Variants in RYR1 observed in about 807,000 individuals in gnomAD.
The protein encoded by RYR1 is ryanodine receptor 1.
RYR1 carries 342 observed loss-of-function variants against 583.5 expected under a neutral mutation model. The observed-to-expected ratio is 0.59, with a 90% CI of 0.54 to 0.64. The LOEUF is 0.64. RYR1 is among the 30% of genes least tolerant of loss of function. RYR1 has a pLI of 0.00. For missense variants in RYR1, 6,032 were observed against 6,917.2 expected, an observed-to-expected ratio of 0.87 and a Z score of 4.54; for synonymous variants, 2,791 against 2,822.5, an observed-to-expected ratio of 0.99 and a Z score of 0.35.
At chr19:38,577,506 A>G (rs1389555442) in intron 97 of RYR1, among the ~76,000 whole-genome samples, 4 of 152,042 alleles carry the variant, frequency 2.6e-5, no homozygotes, top group South Asian at 4.1e-4. Context: ...TGTAGAAAAA[A>G]ACAAAGTGGG....
intron 96 of RYR1, among the ~76,000 whole-genome samples, chr19:38,574,399 C>T (rs1247857858): frequency 6.6e-6 from 1 of 151,836 alleles, no homozygotes; most frequent in African/African-American, 2.4e-5. Flanking sequence ...AGGAGGATCC[C>T]TTGTGCCCAG....
At chr19:38,501,872 T>A (rs545269365) in intron 47 of RYR1, among the ~76,000 whole-genome samples, 1 of 152,080 alleles carries the variant, frequency 6.6e-6, no homozygotes, top group South Asian at 2.1e-4. Flanking sequence ...TGTAGTCCCC[T>A]CTACTAGAGA....
At chr19:38,566,176 C>T (rs1599637638) in intron 91 of RYR1, among the ~76,000 whole-genome samples, 1 of 151,858 alleles carries the variant, frequency 6.6e-6, no homozygotes, top group Non-Finnish European at 1.5e-5. Flanking sequence ...AAGCCAGGCG[C>T]GGTGGCTTAC....
In RYR1 at chr19:38,499,057, G is replaced by C; in HGVS notation, c.6892-51G>C. On this transcript the variant is annotated intron_variant, in intron 42 of 105. Transcript: ENST00000359596. This position sits in a 1 kb window ranked among gnomAD's most constrained non-coding sequence, Gnocchi z 7.3. ...GGGCAGGGCAGAGGGCTGAGCCCCAGGAGGAAGGTGGCATGGGTCTGGTCT... is the reference window on the plus strand; with the variant it reads ...GGGCAGGGCAGAGGGCTGAGCCCCACGAGGAAGGTGGCATGGGTCTGGTCT... 1 of 1,608,468 alleles carries C rather than the reference G, an allele frequency of 6.2e-7. No homozygotes were observed. Among genetic ancestry groups the C allele is most frequent in the Non-Finnish European group, 8.5e-7 (1 of 1,176,772 alleles).
At chr19:38,514,955 A>G (rs1970890181) in intron 63 of RYR1, 71 bp from the exon 64 acceptor site, 1 of 1,027,312 alleles carries the variant, frequency 9.7e-7, no homozygotes, top group African/African-American at 1.6e-5. Flanking sequence ...CCTATTTGAG[A>G]CAAGGGAGGT....
chr19:38,489,299 G>T lies in RYR1; in HGVS notation c.5670G>T (p.Glu1890Asp), dbSNP rs768126989. The T allele has an allele frequency of 2.5e-6, 4 of 1,602,138 alleles. No homozygotes were observed. The highest frequency in any genetic ancestry group is 1.1e-5 in the South Asian group (1 of 90,856). Residue 1890 changes from glutamate to aspartate, a missense_variant, in exon 35 of 106, where the codon GAG becomes GAT. Transcript: ENST00000359596. ...EEEEGEEEDEEEKEEDEEETA... is the reference protein window; with the variant it reads ...EEEEGEEEDEDEKEEDEEETA... ...AAGAGGGTGAAGAGGAAGATGAGGA[G>T]GAGAAGGAGGAGGATGAGGAGGAAA...
chr19:38,475,588 A>T (rs1968681285), intron 29 of RYR1, 138 bp downstream of exon 29: 7 of 1,084,588 alleles, frequency 6.5e-6, no homozygotes, highest in Non-Finnish European at 9.5e-6. Context: ...GAAACTCATA[A>T]AATATGGCAC....
rs2960319 is a variant in RYR1, at chr19:38,566,976, G to A, written c.13503G>A (p.Pro4501=). The part of the protein sequence containing the change: ...PEPEPEPELE[P]EKADAENGEK... Reference sequence around the variant, plus strand: ...CCGAGCCGGAACCAGAGCTGGAGCCGGAGAAAGCCGAGTGAGTGGCCTTGG... The same window carrying A: ...CCGAGCCGGAACCAGAGCTGGAGCCAGAGAAAGCCGAGTGAGTGGCCTTGG... Residue 4501 remains proline, a synonymous_variant, in exon 92 of 106, where the codon CCG becomes CCA. Transcript: ENST00000359596. 5,641 of 1,596,478 alleles carry A rather than the reference G, an allele frequency of 3.5e-3. 148 individuals carry two copies. The African/African-American group carries it at 0.061, about 17-fold the overall frequency.
At chr19:38,586,061 C>T in intron 103 of RYR1, 30 bp from the exon 104 acceptor site, 4 of 1,613,906 alleles carry the variant, frequency 2.5e-6, no homozygotes, top group Non-Finnish European at 3.4e-6. Context: ...TCAAGTGGGC[C>T]TCCACTCTGA....
At chr19:38,466,471 G>C in intron 24 of RYR1, 73 bp downstream of exon 24, 1 of 1,332,876 alleles carries the variant, frequency 7.5e-7, no homozygotes, top group Non-Finnish European at 1.0e-6. Context: ...CCTGATCTCT[G>C]ACCTGACTCA....
At chr19:38,477,574 TG>T in intron 29 of RYR1, 135 bp from the exon 30 acceptor site, 1 of 976,294 alleles carries the variant, frequency 1.0e-6, no homozygotes. Flanking sequence ...AACCAGGGGG[TG>T]GGGGACTCAG....
chr19:38,516,114 G>A lies in RYR1; in HGVS notation c.9582G>A (p.Leu3194=), dbSNP rs1016150718. ...TTCGGCCAGCCCTCGGGGAGTGCCT[G>A]GCCCGTCTGGCAGCAGCCATGCCGG... ...EKLRPALGEC[L]ARLAAAMPVA... is the part of the protein sequence containing the mutation. Residue 3194 remains leucine, a synonymous_variant, in exon 65 of 106, where the codon CTG becomes CTA. Coordinates refer to ENST00000359596, the MANE Select transcript of RYR1 (RefSeq NM_000540.3). 3.2e-6 allele frequency: 5 copies of A among 1,549,610 alleles called. No homozygotes were observed. Among genetic ancestry groups the A allele is most frequent in the Non-Finnish European group, 4.4e-6 (5 of 1,147,042 alleles).
chr19:38,538,068 C>T, intron 84 of RYR1, 108 bp downstream of exon 84: 2 of 989,424 alleles, frequency 2.0e-6, no homozygotes, highest in Non-Finnish European at 3.2e-6. Flanking sequence ...CAATGATGGC[C>T]ACTCTCCAGC....
At position 38,485,676 on chromosome 19, in the gene RYR1, C is replaced by G; in HGVS notation, c.5021C>G (p.Ala1674Gly). Residue 1674 changes from alanine to glycine, a missense_variant, in exon 34 of 106, where the codon GCC becomes GGC. By Grantham distance (60) the Ala-to-Gly change is moderately conservative. Transcript: ENST00000359596. ...HTLRLYRAVCALGNNRVAHAL... is the reference protein window; with the variant it reads ...HTLRLYRAVCGLGNNRVAHAL... ...CTGCGCCTCTACCGCGCTGTGTGCG[C>G]CCTGGGCAACAATCGCGTGGCGCAC... 6.2e-7 allele frequency: 1 copy of G among 1,610,934 alleles called. No individual in the cohort carries two copies. Among genetic ancestry groups the G allele is most frequent in the Non-Finnish European group, 8.5e-7 (1 of 1,179,846 alleles).
intron 89 of RYR1, among the ~76,000 whole-genome samples, chr19:38,553,475 T>C (rs1972752303): frequency 6.9e-6 from 1 of 145,050 alleles, no homozygotes; most frequent in Non-Finnish European, 1.5e-5. Flanking sequence ...CAAGACCCCA[T>C]TGCTAAAAAA....
intron 11 of RYR1, among the ~76,000 whole-genome samples, chr19:38,449,507 G>A (rs1378686432): frequency 6.6e-6 from 1 of 152,084 alleles, no homozygotes; most frequent in Non-Finnish European, 1.5e-5. Flanking sequence ...CAGAGAGAGT[G>A]AGAAAAAGAT....
chr19:38,565,744 C>G lies in RYR1; in HGVS notation c.13410C>G (p.Gly4470=). 1 of 1,420,658 alleles carries G rather than the reference C, an allele frequency of 7.0e-7. No homozygotes were observed. 88.0% of individuals were successfully genotyped at this position (1,420,658 alleles called of 1,614,324 possible). Residue 4470 remains glycine (G), a synonymous_variant, in exon 91 of 106, where the codon GGC becomes GGG. Coordinates refer to ENST00000359596, the MANE Select transcript of RYR1 (RefSeq NM_000540.3). The surrounding 1 kb of genome is among the most constrained non-coding windows in gnomAD (Gnocchi z 4.7). ...CTGCGGAACCGCCCACACCCGAGGGCTCTCCCATCCTCAAGAGGAAATTGG... is the reference window on the plus strand; with the variant it reads ...CTGCGGAACCGCCCACACCCGAGGGGTCTCCCATCCTCAAGAGGAAATTGG... ...TTPAEPPTPE[G]SPILKRKLGV...
At chr19:38,560,744 A>G (rs1973090624) in intron 89 of RYR1, among the ~76,000 whole-genome samples, 1 of 150,482 alleles carries the variant, frequency 6.6e-6, no homozygotes, top group Non-Finnish European at 1.5e-5. Flanking sequence ...AAAAAAAAAA[A>G]AAAAAAGAGA....
rs757988828 is a variant in RYR1 at position 38,507,001 on chromosome 19, G to C, written c.8816+49G>C. 3.7e-6 allele frequency: 6 copies of C among 1,611,292 alleles called. No individual in the cohort carries two copies. The South Asian group carries it at 6.6e-5, about 18-fold the overall frequency. ...GAAGAGCAGCAGGCAGAACACACCC[G>C]GCAAAGGCTGGAAGGGGCGGGGCCA... On this transcript the variant is annotated intron_variant, in intron 57 of 105. Coordinates refer to ENST00000359596, the MANE Select transcript of RYR1 (RefSeq NM_000540.3).
Sources: allele counts gnomAD v4.1 joint callset (sites outside exome capture counted in the v4.1 genomes callset), GRCh38; gene constraint gnomAD v4.1.1; non-coding constraint Gnocchi (gnomAD v3.1); transcripts MANE v1.5; gene names NCBI Gene and HGNC (gene_info 2026-07-23, HGNC 2026-07-21).